Variants in ZNF608 observed in about 807,000 individuals in gnomAD.
The protein encoded by ZNF608 is renal carcinoma antigen NY-REN-36.
In ZNF608, 12 loss-of-function variants were observed where a neutral mutation model predicts 109.0. That is an observed-to-expected ratio of 0.11 (90% CI 0.07 to 0.18). The LOEUF is 0.18. Among genes scored for constraint, ZNF608 ranks in the 10% least tolerant of loss-of-function variants. ZNF608 has a pLI of 1.00. For synonymous variants in ZNF608, 732 were observed against 717.4 expected, an observed-to-expected ratio of 1.02 and a Z score of -0.33; for missense variants, 1,707 against 1,879.3, an observed-to-expected ratio of 0.91 and a Z score of 1.70.
chr5:124,741,394 G>GAAAA (rs34192958), intron 2 of ZNF608, among the ~76,000 whole-genome samples: 9 of 68,414 alleles, frequency 1.3e-4, no homozygotes, highest in Non-Finnish European at 2.1e-4. Flanking sequence ...CTTCCAACCA[G>GAAAA]AAAAAAAAAA....
At chr5:124,724,609 C>CGTGTGT (rs113446719) in intron 2 of ZNF608, among the ~76,000 whole-genome samples, 76 of 147,056 alleles carry the variant, frequency 5.2e-4, no homozygotes, top group South Asian at 2.6e-3. Context: ...TTCAACAGCA[C>CGTGTGT]GTGTGTGTGT....
intron 3 of ZNF608, among the ~76,000 whole-genome samples, chr5:124,657,853 A>T (rs756624663): frequency 1.3e-5 from 2 of 151,708 alleles, no homozygotes; most frequent in Non-Finnish European, 2.9e-5. Context: ...AGAGCATCAT[A>T]AAAAAAAATC....
intron 3 of ZNF608, among the ~76,000 whole-genome samples, chr5:124,651,223 G>A (rs932831412): frequency 6.6e-6 from 1 of 151,986 alleles, no homozygotes; most frequent in African/African-American, 2.4e-5. Context: ...TTCCTATTGC[G>A]ATGAGAATCC....
At chr5:124,666,889 A>G (rs142337187) in intron 3 of ZNF608, among the ~76,000 whole-genome samples, 3 of 152,318 alleles carry the variant, frequency 2.0e-5, no homozygotes, top group Non-Finnish European at 4.4e-5. Flanking sequence ...GCAAGCATAT[A>G]TTCTATAAAA....
In ZNF608 at chr5:124,744,898, C is replaced by G; in HGVS notation, c.92G>C (p.Gly31Ala). The G allele has an allele frequency of 6.2e-7, 1 of 1,614,156 alleles. No homozygotes were observed. Among genetic ancestry groups the G allele is most frequent in the Non-Finnish European group, 8.5e-7 (1 of 1,180,026 alleles). Residue 31 changes from glycine (G) to alanine (A), a missense_variant, in exon 2 of 10, where the codon GGA becomes GCA. Gly to Ala is a moderately conservative substitution (Grantham distance 60). Coordinates refer to ENST00000513986, the MANE Select transcript of ZNF608 (RefSeq NM_020747.3). This position sits in a 1 kb window ranked among gnomAD's most constrained non-coding sequence, Gnocchi z 4.5. ...AGCGTCCAAATCAATTATTAAATTT[C>G]CAACCCCGATTTCCCAATCATCGCC... ...DSGDDWEIGV[G>A]NLIIDLDADL... is the part of the protein sequence containing the mutation.
chr5:124,647,530 C>G lies in ZNF608; in HGVS notation c.2854G>C (p.Asp952His). Residue 952 changes from aspartate (D) to histidine (H), a missense_variant, in exon 5 of 10, where the codon GAC (aspartate) becomes CAC (histidine). Coordinates refer to ENST00000513986, the MANE Select transcript of ZNF608 (RefSeq NM_020747.3). Reference sequence around the variant, plus strand: ...GATCTCATACCCTCCGACCTGCTGTCAGAACCACCATCGTCAGCAGCATCA... The same window carrying G: ...GATCTCATACCCTCCGACCTGCTGTGAGAACCACCATCGTCAGCAGCATCA... ...ISDAADDGGS[D>H]SRSEGMRSKA... 6.2e-7 allele frequency: 1 copy of G among 1,614,224 alleles called. No homozygotes were observed. The highest frequency in any genetic ancestry group is 8.5e-7 in the Non-Finnish European group (1 of 1,180,040).
chr5:124,637,971 T>C, intron 9 of ZNF608, 65 bp from the exon 10 acceptor site: 1 of 1,595,440 alleles, frequency 6.3e-7, no homozygotes, highest in Non-Finnish European at 8.6e-7. Context: ...GTTTTTTGAG[T>C]CGGAGTTTTG....
intron 9 of ZNF608, chr5:124,638,635 C>G (rs772104109): frequency 1.6e-5 from 3 of 183,314 alleles, no homozygotes; most frequent in Non-Finnish European, 3.2e-5. Context: ...ATGTGGAATT[C>G]AATTCCAGAG....
intron 3 of ZNF608, among the ~76,000 whole-genome samples, chr5:124,661,247 C>A (rs938129405): frequency 6.6e-6 from 1 of 152,172 alleles, no homozygotes; most frequent in African/African-American, 2.4e-5. Context: ...GAACAGCTAA[C>A]TGAATGCCTG....
intron 3 of ZNF608, among the ~76,000 whole-genome samples, chr5:124,681,291 A>G (rs1031774275): frequency 2.6e-5 from 4 of 152,046 alleles, no homozygotes; most frequent in African/African-American, 9.7e-5. Context: ...CGTCTCTAAT[A>G]AAAATACAAA....
chr5:124,646,417 G>T (rs1036981313), intron 5 of ZNF608, among the ~76,000 whole-genome samples: 2 of 152,138 alleles, frequency 1.3e-5, no homozygotes, highest in Non-Finnish European at 2.9e-5. Context: ...CACAGAGCAA[G>T]TTAGTGGCAT....
At chr5:124,730,403 A>G (rs1048148053) in intron 2 of ZNF608, among the ~76,000 whole-genome samples, 8 of 152,252 alleles carry the variant, frequency 5.3e-5, no homozygotes, top group African/African-American at 1.7e-4. Context: ...AATCACCAGT[A>G]TATAGCTATA....
chr5:124,744,313 C>T lies in ZNF608; in HGVS notation c.677G>A (p.Gly226Asp). 6.2e-7 allele frequency: 1 copy of T among 1,614,164 alleles called. No individual in the cohort carries two copies. The highest frequency in any genetic ancestry group is 8.5e-7 in the Non-Finnish European group (1 of 1,180,036). Residue 226 changes from glycine to aspartate, a missense_variant, in exon 2 of 10, where the codon GGC (glycine) becomes GAC (aspartate). Coordinates refer to ENST00000513986, the MANE Select transcript of ZNF608 (RefSeq NM_020747.3). The surrounding 1 kb of genome is among the most constrained non-coding windows in gnomAD (Gnocchi z 4.5). ...GTGCCCCCCGGAAGGGGCCTGGCTG[C>T]CACTGCCATTCTGGTGGCCCTGAAG... ...DLLQGHQNGS[G>D]SQAPSGGHLY...
intron 2 of ZNF608, among the ~76,000 whole-genome samples, chr5:124,726,788 C>A (rs1748627743): frequency 6.6e-6 from 1 of 152,248 alleles, no homozygotes; most frequent in South Asian, 2.1e-4. Context: ...CTGGCCTCTG[C>A]CCAACTCCGA....
At chr5:124,748,513 C>T, upstream of ZNF608, 1 of 984,886 alleles carries the variant, frequency 1.0e-6, no homozygotes, top group Non-Finnish European at 1.2e-6. Context: ...TATAGAGACA[C>T]ACCACGCAAC....
intron 2 of ZNF608, among the ~76,000 whole-genome samples, chr5:124,720,467 A>G (rs912167501): frequency 6.6e-6 from 1 of 152,210 alleles, no homozygotes; most frequent in African/African-American, 2.4e-5. Context: ...AACCACAACC[A>G]TGCTATAGCT....
intron 3 of ZNF608, among the ~76,000 whole-genome samples, chr5:124,685,502 C>A (rs1752370704): frequency 6.6e-6 from 1 of 152,108 alleles, no homozygotes; most frequent in African/African-American, 2.4e-5. Context: ...CCAAGGAATG[C>A]ATGAAGTGAC....
chr5:124,701,403 T>C, intron 2 of ZNF608, 134 bp from the exon 3 acceptor site: 1 of 1,152,964 alleles, frequency 8.7e-7, no homozygotes, highest in Non-Finnish European at 1.2e-6. Context: ...TTGAGTGTTT[T>C]AATGGTGCCA....
chr5:124,725,369 C>A (rs1754098661), intron 2 of ZNF608, among the ~76,000 whole-genome samples: 1 of 151,984 alleles, frequency 6.6e-6, no homozygotes, highest in African/African-American at 2.4e-5. Flanking sequence ...AGGACCCAGA[C>A]TGTGCTAGGC....
Sources: allele counts gnomAD v4.1 joint callset (sites outside exome capture counted in the v4.1 genomes callset), GRCh38; gene constraint gnomAD v4.1.1; non-coding constraint Gnocchi (gnomAD v3.1); transcripts MANE v1.5; gene names NCBI Gene and HGNC (gene_info 2026-07-23, HGNC 2026-07-21).